FBXO36: variants seen among roughly 807,000 people sequenced by gnomAD.
FBXO36 encodes F-box only protein 36.
In FBXO36, 18 loss-of-function variants were observed where a neutral mutation model predicts 17.0. The observed-to-expected ratio is 1.06, with a 90% CI of 0.73 to 1.57. FBXO36 has a LOEUF of 1.57. Ranked by LOEUF, FBXO36 falls within the 40% of genes most tolerant of loss-of-function variation. The pLI, the probability that FBXO36 is intolerant of heterozygous loss-of-function variation, is 0.00. For missense variants in FBXO36, 229 were observed against 221.9 expected (o/e 1.03, Z -0.20); for synonymous variants, 83 against 85.3 (o/e 0.97, Z 0.15).
At chr2:229,978,321 G>A (rs1036541200) in intron 2 of FBXO36, among the ~76,000 whole-genome samples, 1 of 150,004 alleles carries the variant, frequency 6.7e-6, no homozygotes, top group Non-Finnish European at 1.5e-5. Context: ...GGTGGCTCAC[G>A]CCTGTAATCC....
chr2:230,000,038 A>C (rs924109879), intron 3 of FBXO36, among the ~76,000 whole-genome samples: 5 of 152,040 alleles, frequency 3.3e-5, no homozygotes, highest in African/African-American at 9.7e-5. Context: ...CTAAAGTTGA[A>C]ATTTTGTGCT....
intron 3 of FBXO36, among the ~76,000 whole-genome samples, chr2:229,997,955 A>G (rs896845978): frequency 1.3e-5 from 2 of 152,116 alleles, no homozygotes; most frequent in Non-Finnish European, 2.9e-5. Flanking sequence ...CACACATACT[A>G]CTTTTCCATT....
At chr2:230,003,126 C>T (rs2077368794) in intron 3 of FBXO36, among the ~76,000 whole-genome samples, 2 of 150,510 alleles carry the variant, frequency 1.3e-5, no homozygotes, top group South Asian at 4.2e-4. Context: ...AAGAGAATCG[C>T]TTGAACCCAG....
intron 3 of FBXO36, among the ~76,000 whole-genome samples, chr2:230,000,851 C>CTTTTTT (rs71049612): frequency 1.7e-4 from 15 of 89,496 alleles, no homozygotes; most frequent in African/African-American, 5.0e-4. Context: ...AACCACTTTT[C>CTTTTTT]TTTTTTTTTT....
intron 2 of FBXO36, among the ~76,000 whole-genome samples, chr2:229,978,926 C>T (rs2077223863): frequency 6.6e-6 from 1 of 152,048 alleles, no homozygotes; most frequent in African/African-American, 2.4e-5. Context: ...CCTGTAATGC[C>T]AGCACTTTGG....
chr2:230,004,479 C>T (rs2077376133), intron 3 of FBXO36, among the ~76,000 whole-genome samples: 2 of 152,050 alleles, frequency 1.3e-5, no homozygotes, highest in South Asian at 2.1e-4. Flanking sequence ...AAGTTATTGC[C>T]CCTCCCAGTC....
At chr2:229,948,643 G>A (rs1214084216) in intron 1 of FBXO36, among the ~76,000 whole-genome samples, 4 of 152,126 alleles carry the variant, frequency 2.6e-5, no homozygotes, top group Middle Eastern at 3.4e-3. Flanking sequence ...AGAAGAGTCT[G>A]TGAGAGTTGG....
intron 3 of FBXO36, among the ~76,000 whole-genome samples, chr2:230,009,917 G>T (rs928170199): frequency 6.6e-5 from 10 of 152,090 alleles, no homozygotes; most frequent in African/African-American, 2.4e-4. Flanking sequence ...CTGCACTCCA[G>T]CCTGGGCAAC....
At chr2:229,979,840 A>G (rs1357632673) in intron 2 of FBXO36, among the ~76,000 whole-genome samples, 1 of 152,164 alleles carries the variant, frequency 6.6e-6, no homozygotes, top group Non-Finnish European at 1.5e-5. Flanking sequence ...AACCATGTCA[A>G]ATAATGAAAA....
intron 2 of FBXO36, among the ~76,000 whole-genome samples, chr2:229,987,211 CAAAAAA>C (rs78504298): frequency 1.1e-5 from 1 of 90,760 alleles, no homozygotes; most frequent in African/African-American, 4.2e-5. Flanking sequence ...GACTCCATCT[CAAAAAA>C]AAAAAAAAAA....
intron 2 of FBXO36, among the ~76,000 whole-genome samples, chr2:229,991,005 C>A (rs886859222): frequency 6.6e-6 from 1 of 151,134 alleles, no homozygotes; most frequent in Non-Finnish European, 1.5e-5. Flanking sequence ...TGCAGTGGTG[C>A]AATCTAGGCT....
rs1577369441 is a variant in FBXO36, at chr2:230,010,953, T to A, written c.*69T>A. The A allele has an allele frequency of 1.4e-6, 2 of 1,441,964 alleles. No homozygotes were observed. The highest frequency in any genetic ancestry group is 1.9e-6 in the Non-Finnish European group (2 of 1,075,050). 89.3% of individuals were successfully genotyped at this position (1,441,964 alleles called of 1,614,324 possible). ...TTCTCTTCAGTGTCCAAATCTCTTC[T>A]GTCTCCTTTTCTTAAGAACTAAGAG... On this transcript the variant is annotated 3_prime_UTR_variant, in exon 4 of 4. Coordinates refer to ENST00000283946, the MANE Select transcript of FBXO36 (RefSeq NM_174899.5).
chr2:229,964,877 CT>C (rs1319101225), intron 1 of FBXO36, among the ~76,000 whole-genome samples: 2 of 152,104 alleles, frequency 1.3e-5, no homozygotes, highest in Non-Finnish European at 2.9e-5. Context: ...ATGTACTTAC[CT>C]GTTTACCAGT....
intron 1 of FBXO36, among the ~76,000 whole-genome samples, chr2:229,941,568 T>C (rs1033651140): frequency 6.6e-6 from 1 of 151,484 alleles, no homozygotes; most frequent in African/African-American, 2.4e-5. Flanking sequence ...GTGGCCATTC[T>C]GAAGTTTATG....
Position 229,932,912 on chromosome 2 carries a change from T to G in FBXO36, c.96+10303T>G, listed in dbSNP as rs114831367. 774 of 313,552 alleles carry G rather than the reference T, an allele frequency of 2.5e-3. 7 individuals are homozygous for G. The highest frequency in any genetic ancestry group is 0.017 in the African/African-American group (728 of 43,610). The allele number at this position is 313,552 out of a possible 1,614,324, so 19.4% of individuals were successfully genotyped here. A position where few individuals can be genotyped will look rare whatever the true frequency, so the allele number is the denominator to read the frequency against. On this transcript the variant is annotated intron_variant, in intron 1 of 3. Transcript: ENST00000283946. Reference sequence around the variant, plus strand: ...GTGAAACCCCATCTCTAATAAAAACTAAAAATTAGCCGGGCGTGGTGATGC... The same window carrying G: ...GTGAAACCCCATCTCTAATAAAAACGAAAAATTAGCCGGGCGTGGTGATGC...
chr2:229,922,522 G>A lies in FBXO36; in HGVS notation c.9G>A (p.Ser3=). ...GGCGGTGGCGTCCCAAGATGGCGTC[G>A]TGGCTGCCGGAGACTCTCTTTGAAA... MA[S]WLPETLFETV... Residue 3 remains serine (S), a synonymous_variant, in exon 1 of 4, where the codon TCG becomes TCA. Transcript: ENST00000283946. 2 of 1,613,826 alleles carry A rather than the reference G, an allele frequency of 1.2e-6. No homozygotes were observed. Among genetic ancestry groups the A allele is most frequent in the Non-Finnish European group, 1.7e-6 (2 of 1,179,958 alleles).
intron 1 of FBXO36, among the ~76,000 whole-genome samples, chr2:229,963,343 T>A (rs891742691): frequency 1.3e-5 from 2 of 150,226 alleles, no homozygotes; most frequent in African/African-American, 4.9e-5. Context: ...GGATTACAGA[T>A]GTGAGCGACC....
intron 3 of FBXO36, among the ~76,000 whole-genome samples, chr2:230,001,263 T>C (rs1462652672): frequency 6.6e-6 from 1 of 152,126 alleles, no homozygotes; most frequent in Non-Finnish European, 1.5e-5. Context: ...ACACACTTCA[T>C]TTATAAGTTA....
chr2:229,922,802 G>C (rs1481932359), intron 1 of FBXO36, among the ~76,000 whole-genome samples, 193 bp downstream of exon 1: 1 of 152,164 alleles, frequency 6.6e-6, no homozygotes, highest in Admixed American at 6.5e-5. Flanking sequence ...TGCTCTCCCC[G>C]AGCCCGGCTA....
Sources: gnomAD v4.1 joint callset for allele counts (sites outside exome capture counted in the v4.1 genomes callset) on GRCh38, gnomAD v4.1.1 for gene constraint, MANE v1.5 for transcripts, NCBI Gene and HGNC (gene_info 2026-07-23, HGNC 2026-07-21) for gene names.